CNTLN: variants seen among roughly 807,000 people sequenced by gnomAD.
The protein encoded by CNTLN is centlein, centrosomal protein.
A neutral mutation model predicts 180.0 loss-of-function variants in CNTLN; 212 were observed. That is an observed-to-expected ratio of 1.18 (90% CI 1.05 to 1.32). CNTLN has a LOEUF of 1.32. Ranked by LOEUF, CNTLN falls within the 40% of genes most tolerant of loss-of-function variation. CNTLN has a pLI of 0.00. For synonymous variants in CNTLN, 722 were observed against 563.1 expected, an observed-to-expected ratio of 1.28 and a Z score of -3.99; for missense variants, 2,095 against 1,610.9, an observed-to-expected ratio of 1.30 and a Z score of -5.14.
chr9:17,434,893 A>G (rs971259548), intron 18 of CNTLN, among the ~76,000 whole-genome samples: 19 of 151,872 alleles, frequency 1.3e-4, no homozygotes, highest in African/African-American at 4.6e-4. Context: ...TGGCCTCCAT[A>G]GTTTCAGTTA....
At chr9:17,296,899 C>G (rs1817985820) in intron 6 of CNTLN, among the ~76,000 whole-genome samples, 1 of 152,180 alleles carries the variant, frequency 6.6e-6, no homozygotes, top group South Asian at 2.1e-4. Flanking sequence ...AATTTTCATC[C>G]ATGTTCAACA....
intron 2 of CNTLN, among the ~76,000 whole-genome samples, chr9:17,217,970 T>C (rs1823875484): frequency 6.6e-6 from 1 of 152,132 alleles, no homozygotes; most frequent in Admixed American, 6.5e-5. Flanking sequence ...AGCAGATGTG[T>C]TCTTTTGAAT....
intron 6 of CNTLN, among the ~76,000 whole-genome samples, chr9:17,283,807 G>T (rs978791815): frequency 6.6e-6 from 1 of 152,088 alleles, no homozygotes; most frequent in African/African-American, 2.4e-5. Flanking sequence ...AACATGAAGC[G>T]ATGTTGAATT....
At chr9:17,236,149 C>T (rs1034526079) in intron 4 of CNTLN, among the ~76,000 whole-genome samples, 3 of 152,108 alleles carry the variant, frequency 2.0e-5, no homozygotes, top group African/African-American at 7.2e-5. Flanking sequence ...GGGACAGCAT[C>T]AAAGGCAGCT....
At chr9:17,342,568 GTAAAGA>G (rs1161872288) in intron 12 of CNTLN, 124 bp downstream of exon 12, 6 of 897,742 alleles carry the variant, frequency 6.7e-6, no homozygotes, top group South Asian at 2.1e-5. Context: ...GCCAATAAAA[GTAAAGA>G]AAAAAAGACT....
chr9:17,513,020 C>T, the CNTLN span, among the ~76,000 whole-genome samples: 4 of 152,024 alleles, frequency 2.6e-5, no homozygotes, highest in East Asian at 1.9e-4. Flanking sequence ...GGGGTTTCAC[C>T]GTGTTAGCCA....
intron 8 of CNTLN, among the ~76,000 whole-genome samples, chr9:17,313,475 G>C (rs1819344381): frequency 6.6e-6 from 1 of 151,738 alleles, no homozygotes; most frequent in Non-Finnish European, 1.5e-5. Flanking sequence ...GTTTCTGATG[G>C]TAATTCAGTG....
intron 2 of CNTLN, among the ~76,000 whole-genome samples, chr9:17,204,805 GGTGCTCT>G (rs1554657468): frequency 6.6e-6 from 1 of 152,184 alleles, no homozygotes; most frequent in Non-Finnish European, 1.5e-5. Flanking sequence ...CCTCCCCCCA[GGTGCTCT>G]GTTGCAGGGA....
intron 8 of CNTLN, among the ~76,000 whole-genome samples, chr9:17,325,791 T>G (rs551558706): frequency 1.6e-3 from 240 of 152,164 alleles, no homozygotes; most frequent in African/African-American, 5.4e-3. Flanking sequence ...AACACTTTTT[T>G]GCTAAATGCT....
chr9:17,388,707 G>C (rs1353130943), intron 14 of CNTLN, among the ~76,000 whole-genome samples: 1 of 151,674 alleles, frequency 6.6e-6, no homozygotes, highest in Non-Finnish European at 1.5e-5. Context: ...AAATATACGT[G>C]ACTCTTCTCA....
chr9:17,161,755 G>T (rs946106712), intron 2 of CNTLN, among the ~76,000 whole-genome samples: 1 of 152,156 alleles, frequency 6.6e-6, no homozygotes, highest in African/African-American at 2.4e-5. Context: ...ACAATGTGCT[G>T]TCCTGCATTT....
intron 2 of CNTLN, among the ~76,000 whole-genome samples, chr9:17,176,177 C>A (rs192609836): frequency 1.2e-3 from 182 of 152,068 alleles, no homozygotes; most frequent in Non-Finnish European, 1.7e-3. Flanking sequence ...CATTGCCCTG[C>A]TCCTATTTTA....
intron 15 of CNTLN, among the ~76,000 whole-genome samples, chr9:17,408,446 A>T (rs976782417): frequency 3.9e-5 from 6 of 152,084 alleles, no homozygotes; most frequent in Admixed American, 3.9e-4. Context: ...TAAAGGTTAC[A>T]TGAGGGAAGG....
chr9:17,437,008 T>A (rs146632346), intron 18 of CNTLN, among the ~76,000 whole-genome samples: 17 of 152,324 alleles, frequency 1.1e-4, no homozygotes, highest in Non-Finnish European at 1.8e-4. Context: ...ATTTTGAGGC[T>A]GATGAAACAC....
rs147329959 is a variant in CNTLN, at chr9:17,385,331, C to G, written c.1988-2831C>G. ...GGCCATTGGTGACTGAATTCAGTCT[C>G]CATTTCCTCTCCCCTCTGCAGAGGC... On this transcript the variant is annotated intron_variant, in intron 13 of 25. Coordinates refer to ENST00000380647, the MANE Select transcript of CNTLN (RefSeq NM_017738.4). Among the ~76,000 whole-genome samples, 649 of 152,266 alleles carry G rather than the reference C, an allele frequency of 4.3e-3. 3 individuals are homozygous for G. Among genetic ancestry groups the G allele is most frequent in the African/African-American group, 0.014 (584 of 41,548 alleles).
chr9:17,298,474 C>A, intron 7 of CNTLN, 122 bp downstream of exon 7: 3 of 1,333,630 alleles, frequency 2.2e-6, no homozygotes, highest in Non-Finnish European at 2.9e-6. Flanking sequence ...TGTGTTTCCT[C>A]AAAATTTAGA....
chr9:17,270,532 C>T (rs1827855742), intron 5 of CNTLN, among the ~76,000 whole-genome samples: 1 of 152,114 alleles, frequency 6.6e-6, no homozygotes, highest in Non-Finnish European at 1.5e-5. Flanking sequence ...CATCTATATG[C>T]CTAAGTGATA....
chr9:17,173,480 A>G lies in CNTLN; in HGVS notation c.449+30104A>G, dbSNP rs184349332. 5.5e-3 allele frequency among the ~76,000 whole-genome samples: 835 copies of G among 152,318 alleles called. 6 individuals are homozygous for G. Among genetic ancestry groups the G allele is most frequent in the Admixed American group, 8.0e-3 (123 of 15,306 alleles). ...TTCTTGTTTCTGCCATAGTCTTAAA[A>G]TAGGGGTATTGTAGAAGCGTGGACA... On this transcript the variant is annotated intron_variant, in intron 2 of 25. Transcript: ENST00000380647.
intron 1 of CNTLN, among the ~76,000 whole-genome samples, chr9:17,136,434 A>G (rs1397438358): frequency 1.3e-5 from 2 of 152,192 alleles, no homozygotes; most frequent in South Asian, 2.1e-4. Context: ...GGTTCACGCC[A>G]TTCTCCAGCC....
Sources: gnomAD v4.1 joint callset for allele counts (sites outside exome capture counted in the v4.1 genomes callset) on GRCh38, gnomAD v4.1.1 for gene constraint, MANE v1.5 for transcripts, NCBI Gene and HGNC (gene_info 2026-07-23, HGNC 2026-07-21) for gene names.